The following VDAC2 variants were observed in gnomAD, a reference collection of about 807,000 sequenced individuals.
VDAC2 encodes the protein voltage dependent anion channel 2, also known as non-selective voltage-gated ion channel VDAC2.
Under a neutral mutation model 36.6 loss-of-function variants are expected in VDAC2, and 6 were observed. That is an observed-to-expected ratio of 0.16 (90% CI 0.09 to 0.32). VDAC2 has a LOEUF of 0.32. Ranked by LOEUF, VDAC2 falls within the 10% of genes least tolerant of loss-of-function variation. The pLI is 1.00. For synonymous variants in VDAC2, 109 were observed against 123.8 expected, an observed-to-expected ratio of 0.88 and a Z score of 0.79; for missense variants, 247 against 346.0, an observed-to-expected ratio of 0.71 and a Z score of 2.27.
At chr10:75,220,616 C>G (rs1400561778) in intron 6 of VDAC2, 127 bp from the exon 7 acceptor site, 5 of 752,792 alleles carry the variant, frequency 6.6e-6, no homozygotes, top group Non-Finnish European at 1.1e-5. Context: ...CTTTTTTACT[C>G]CCTGTTATTG....
In VDAC2 at chr10:75,231,289, A is replaced by C. The variant is rs927815086; in HGVS notation, c.*300A>C. 4.7e-6 allele frequency: 1 copy of C among 212,172 alleles called. No individual in the cohort carries two copies. Among genetic ancestry groups the C allele is most frequent in the African/African-American group, 2.3e-5 (1 of 43,208 alleles). 13.1% of individuals were successfully genotyped at this position (212,172 alleles called of 1,614,324 possible). ...TTATGAAAACTGTGCAATTGTGTGC[A>C]TGTTTGTTTTTATGTTCCTTTAGAA... On this transcript the variant is annotated 3_prime_UTR_variant, in exon 10 of 10. Coordinates refer to ENST00000332211, the MANE Select transcript of VDAC2 (RefSeq NM_001391963.1).
rs904308588 is a variant in VDAC2 at position 75,220,985 on chromosome 10, C to G, written c.584+15C>G. The G allele has an allele frequency of 9.3e-6, 15 of 1,606,306 alleles. No homozygotes were observed. The highest frequency in any genetic ancestry group is 1.2e-5 in the Non-Finnish European group (14 of 1,174,068). On this transcript the variant is annotated intron_variant, in intron 7 of 9. Coordinates refer to ENST00000332211, the MANE Select transcript of VDAC2 (RefSeq NM_001391963.1). ...CACACTAATGTGTAAGTATTTCTTT[C>G]ATAGGATACTGTGATGTGGGCCCTC...
intron 4 of VDAC2, 117 bp downstream of exon 4, chr10:75,214,187 T>C: frequency 1.8e-6 from 2 of 1,095,682 alleles, no homozygotes; most frequent in Non-Finnish European, 2.7e-6. Flanking sequence ...GAAGTTAACT[T>C]TGTTTTAAGA....
At chr10:75,211,080 A>T (rs1343238526) in intron 1 of VDAC2, 54 bp from the exon 2 acceptor site, 53 of 1,489,616 alleles carry the variant, frequency 3.6e-5, no homozygotes, top group Non-Finnish European at 4.5e-5. Context: ...TCTGCCCGGG[A>T]TCTCCCTTTG....
chr10:75,220,601 G>A, intron 6 of VDAC2, 142 bp from the exon 7 acceptor site: 2 of 669,798 alleles, frequency 3.0e-6, no homozygotes, highest in Non-Finnish European at 5.1e-6. Flanking sequence ...AGTTCATTGA[G>A]CTGACTTTTT....
rs1240341712 is a variant in VDAC2, at chr10:75,222,254, A to G, written c.587A>G (p.Asn196Ser). 3.1e-6 allele frequency: 5 copies of G among 1,613,378 alleles called. No individual in the cohort carries two copies. The East Asian group carries it at 8.9e-5, about 29-fold the overall frequency. ...TGDFQLHTNV[N>S]DGTEFGGSIY... ...TACTAATTTAAAATATCTTATAGCA[A>G]TGATGGGACAGAATTTGGAGGATCA... Residue 196 changes from asparagine to serine, a missense_variant and splice_region_variant, in exon 8 of 10, where the codon AAT (asparagine) becomes AGT (serine). By Grantham distance (46) the Asn-to-Ser change is conservative. This residue lies in a region of VDAC2 where 159 missense variants were observed against 234.0 expected (regional missense o/e 0.68). Coordinates refer to ENST00000332211, the MANE Select transcript of VDAC2 (RefSeq NM_001391963.1).
upstream of VDAC2, chr10:75,210,288 GAA>G (rs1210540695): frequency 6.6e-6 from 1 of 152,598 alleles, no homozygotes; most frequent in Non-Finnish European, 1.5e-5. Context: ...CCTGGGCTGG[GAA>G]AGAGAAGCGG....
At chr10:75,224,794 T>G (rs923833573) in intron 8 of VDAC2, among the ~76,000 whole-genome samples, 20 of 152,190 alleles carry the variant, frequency 1.3e-4, no homozygotes, top group African/African-American at 4.6e-4. Context: ...CTAAGACCTG[T>G]ATTTGCTGTA....
chr10:75,219,422 G>T lies in VDAC2; in HGVS notation c.356+66G>T, dbSNP rs910309556. On this transcript the variant is annotated intron_variant, in intron 6 of 9. Coordinates refer to ENST00000332211, the MANE Select transcript of VDAC2 (RefSeq NM_001391963.1). ...TTTCTCTTTTGTATATTTAGAAAAG[G>T]TGTACATTTACTGTTTGATAGCTTA... 3.7e-6 allele frequency: 5 copies of T among 1,346,884 alleles called. No individual in the cohort carries two copies. The African/African-American group carries it at 7.4e-5, about 20-fold the overall frequency. The allele number at this position is 1,346,884 out of a possible 1,614,324, so 83.4% of individuals were successfully genotyped here. A position where few individuals can be genotyped will look rare whatever the true frequency, so the allele number is the denominator to read the frequency against.
In VDAC2 at chr10:75,213,142, G is replaced by C. The variant is rs1003424039; in HGVS notation, c.100+844G>C. Among the ~76,000 whole-genome samples, 23 of 152,124 alleles carry C rather than the reference G, an allele frequency of 1.5e-4. 1 individual carries two copies. The highest frequency in any genetic ancestry group is 6.5e-5 in the Admixed American group (1 of 15,270). ...TGCCCAGGCTGGAGTACAGGGGCGT[G>C]ATCTCGGCTCCCTGCAGCCTCTGCC... On this transcript the variant is annotated intron_variant, in intron 3 of 9. Coordinates refer to ENST00000332211, the MANE Select transcript of VDAC2 (RefSeq NM_001391963.1).
chr10:75,218,017 G>T, intron 4 of VDAC2: 1 of 1,077,856 alleles, frequency 9.3e-7, no homozygotes, highest in Non-Finnish European at 1.3e-6. Context: ...GAGCCTGGGA[G>T]GTTGAGGCTG....
At chr10:75,221,402 G>T (rs1841809487) in intron 7 of VDAC2, among the ~76,000 whole-genome samples, 1 of 150,476 alleles carries the variant, frequency 6.6e-6, no homozygotes, top group African/African-American at 2.5e-5. Flanking sequence ...TTGCGATCTC[G>T]GCTCACTCCA....
intron 6 of VDAC2, among the ~76,000 whole-genome samples, chr10:75,219,721 G>A (rs1358847925): frequency 6.6e-6 from 1 of 151,338 alleles, no homozygotes; most frequent in Non-Finnish European, 1.5e-5. Context: ...CTGACCTCAG[G>A]TGATCTGCCC....
rs1842002236 is a variant in VDAC2 at position 75,227,825 on chromosome 10, T to G, written c.736-1819T>G. ...TGGTCTTGAACTCCTGACCTTGTGA[T>G]CCTCCCAAAGTGCTGGGATTACAGG... On this transcript the variant is annotated intron_variant, in intron 8 of 9. Coordinates refer to ENST00000332211, the MANE Select transcript of VDAC2 (RefSeq NM_001391963.1). Among the ~76,000 whole-genome samples the G allele has an allele frequency of 3.3e-5, 5 of 151,514 alleles. No individual in the cohort carries two copies. The South Asian group carries it at 1.0e-3, about 32-fold the overall frequency.
intron 3 of VDAC2, among the ~76,000 whole-genome samples, chr10:75,213,134 A>C (rs1291498171): frequency 6.6e-6 from 1 of 152,062 alleles, no homozygotes; most frequent in Non-Finnish European, 1.5e-5. Flanking sequence ...GCTGGAGTAC[A>C]GGGGCGTGAT....
chr10:75,211,465 G>A (rs1841418140), intron 2 of VDAC2: 9 of 1,505,452 alleles, frequency 6.0e-6, no homozygotes, highest in African/African-American at 5.6e-5. Flanking sequence ...TGTTAATTGG[G>A]GATTCTGCCT....
At chr10:75,218,037 G>GTGAT (rs1421564420) in intron 4 of VDAC2, 1 of 829,684 alleles carries the variant, frequency 1.2e-6, no homozygotes, top group South Asian at 1.4e-5. Context: ...GCAGTCAGCT[G>GTGAT]TGATCACATC....
At chr10:75,226,966 C>T (rs1841972551) in intron 8 of VDAC2, among the ~76,000 whole-genome samples, 1 of 152,120 alleles carries the variant, frequency 6.6e-6, no homozygotes, top group Non-Finnish European at 1.5e-5. Flanking sequence ...ATGAAGTCTC[C>T]TTTGTAATGA....
intron 8 of VDAC2, among the ~76,000 whole-genome samples, chr10:75,225,825 C>T (rs1039753723): frequency 1.1e-4 from 17 of 151,044 alleles, no homozygotes; most frequent in Middle Eastern, 3.4e-3. Context: ...TGTTTTGAGA[C>T]GGAGTCATCC....
Sources: gnomAD v4.1 joint callset for allele counts (sites outside exome capture counted in the v4.1 genomes callset) on GRCh38, gnomAD v4.1.1 for gene constraint, gnomAD v4.1.1 regional missense constraint, MANE v1.5 for transcripts, NCBI Gene and HGNC (gene_info 2026-07-23, HGNC 2026-07-21) for gene names.